KYAT1: variants seen among roughly 807,000 people sequenced by gnomAD.
KYAT1 encodes kynurenine aminotransferase 1, also known as kynurenine--oxoglutarate transaminase 1.
In KYAT1, 47 loss-of-function variants were observed where a neutral mutation model predicts 52.4. The ratio of observed to expected loss-of-function variants is 0.90; its 90% CI spans 0.71 to 1.14. KYAT1 has a LOEUF of 1.14. KYAT1 is among the 50% of genes most tolerant of loss of function. KYAT1 has a pLI of 0.00. For missense variants in KYAT1, 480 were observed against 557.9 expected, an observed-to-expected ratio of 0.86 and a Z score of 1.41; for synonymous variants, 212 against 209.6, an observed-to-expected ratio of 1.01 and a Z score of -0.10.
rs113961669 is a variant in KYAT1, at chr9:128,841,749, G to A, written c.201+905C>T. 6.8e-3 allele frequency among the ~76,000 whole-genome samples: 1,010 copies of A among 149,612 alleles called. 10 individuals are homozygous for A. Among genetic ancestry groups the A allele is most frequent in the African/African-American group, 0.023 (954 of 40,812 alleles). ...TCAGTGGCTCACGCCTGTAATCCCA[G>A]CACTTTTGGAGGCCGAGGTGGCAGG... On this transcript the variant is annotated intron_variant, in intron 3 of 12. Coordinates refer to ENST00000302586, the MANE Select transcript of KYAT1 (RefSeq NM_004059.5).
chr9:128,838,791 G>T (rs751883513), intron 3 of KYAT1, among the ~76,000 whole-genome samples: 13 of 152,286 alleles, frequency 8.5e-5, no homozygotes, highest in Non-Finnish European at 1.3e-4. Flanking sequence ...CGGGGATTTA[G>T]CAGAGAACCA....
intron 1 of KYAT1, among the ~76,000 whole-genome samples, chr9:128,850,628 A>G (rs1833832776): frequency 6.6e-6 from 1 of 152,122 alleles, no homozygotes; most frequent in Non-Finnish European, 1.5e-5. Context: ...GCCTCGTGGG[A>G]TGAGAAAGAC....
intron 1 of KYAT1, among the ~76,000 whole-genome samples, chr9:128,862,139 T>C (rs1189892943): frequency 6.6e-6 from 1 of 152,190 alleles, no homozygotes; most frequent in African/African-American, 2.4e-5. Context: ...TTCTAAGTCA[T>C]GTCTTCATCA....
In KYAT1 at chr9:128,842,916, C is replaced by T. The variant is rs187561599; in HGVS notation, c.54-115G>A. 125 of 1,100,594 alleles carry T rather than the reference C, an allele frequency of 1.1e-4. No individual in the cohort carries two copies. In the African/African-American group the frequency reaches 1.8e-3, roughly 16 times the overall value. The allele number at this position is 1,100,594 out of a possible 1,614,324, so 68.2% of individuals were successfully genotyped here. On this transcript the variant is annotated intron_variant, in intron 2 of 12. Transcript: ENST00000302586. ...GTGTGGTGGCTCACGCCTGTAATCC[C>T]AGCACTTTGGGAGGCCGAGGTGGGC... is the stretch of plus-strand genomic sequence containing the variant.
At position 128,843,660 on chromosome 9, in the gene KYAT1, GCGT is replaced by G. The variant is rs1465434498; in HGVS notation, c.54-862_54-860del. On this transcript the variant is annotated intron_variant, in intron 2 of 12. Transcript: ENST00000302586. ...GCCTCTCAAAGTGCTAGCAGTACAG[GCGT>G]GAGCCACCACTACCGGCCAAGAAAT... is the stretch of plus-strand genomic sequence containing the variant. Among the ~76,000 whole-genome samples, 4 of 152,282 alleles carry G rather than the reference GCGT, an allele frequency of 2.6e-5. No individual in the cohort carries two copies. In the East Asian group the frequency reaches 7.7e-4, roughly 29 times the overall value.
chr9:128,850,598 A>G (rs1833827854), intron 1 of KYAT1, among the ~76,000 whole-genome samples: 1 of 152,176 alleles, frequency 6.6e-6, no homozygotes, highest in Admixed American at 6.5e-5. Context: ...GTTTCTCCCC[A>G]TGTGATAGTC....
chr9:128,837,613 CA>C, intron 6 of KYAT1, 71 bp downstream of exon 6: 1 of 1,565,052 alleles, frequency 6.4e-7, no homozygotes, highest in East Asian at 2.3e-5. Flanking sequence ...GGCCCCACAG[CA>C]GCAACTCAGT....
At position 128,835,467 on chromosome 9, in the gene KYAT1, C is replaced by G. The variant is rs1471938045; in HGVS notation, c.1042+14G>C. On this transcript the variant is annotated intron_variant, in intron 10 of 12. Transcript: ENST00000302586. ...AGCCCCTGCGCCCTGCCCAGACCGG[C>G]AAGTCTCACTCACTGAAGTCTGAGA... The G allele has an allele frequency of 6.2e-7, 1 of 1,613,870 alleles. No homozygotes were observed. The highest frequency in any genetic ancestry group is 1.1e-5 in the South Asian group (1 of 91,080).
intron 1 of KYAT1, among the ~76,000 whole-genome samples, chr9:128,846,273 T>C (rs1336471801): frequency 2.0e-5 from 3 of 151,934 alleles, no homozygotes; most frequent in Non-Finnish European, 4.4e-5. Context: ...CTACTAAAAA[T>C]ACAAAAATTA....
intron 3 of KYAT1, among the ~76,000 whole-genome samples, chr9:128,841,093 C>T (rs574641515): frequency 5.9e-5 from 9 of 152,188 alleles, no homozygotes; most frequent in Non-Finnish European, 1.2e-4. Context: ...CGAGTGCGGT[C>T]GGGTGCGGTG....
chr9:128,861,845 C>T (rs1429725164), intron 1 of KYAT1, among the ~76,000 whole-genome samples: 1 of 152,214 alleles, frequency 6.6e-6, no homozygotes, highest in African/African-American at 2.4e-5. Context: ...TGAAGACCAA[C>T]TATCTGCTGG....
At position 128,834,219 on chromosome 9, in the gene KYAT1, T is replaced by C. The variant is rs891106076; in HGVS notation, c.1123-393A>G. On this transcript the variant is annotated intron_variant, in intron 11 of 12. Transcript: ENST00000302586. ...TTGCAGTGAGCCAGATTGCGCCACT[T>C]CACCGCAGCCTGGGCGAAAGAGAGA... Among the ~76,000 whole-genome samples, 3 of 152,062 alleles carry C rather than the reference T, an allele frequency of 2.0e-5. No homozygotes were observed. The East Asian group carries it at 5.8e-4, about 29-fold the overall frequency.
intron 1 of KYAT1, among the ~76,000 whole-genome samples, chr9:128,854,938 G>A (rs1834416331): frequency 1.3e-5 from 2 of 152,170 alleles, no homozygotes; most frequent in South Asian, 2.1e-4. Flanking sequence ...GTTGGTAGAA[G>A]TATCTACTGT....
At chr9:128,857,176 T>C (rs760960651) in intron 1 of KYAT1, among the ~76,000 whole-genome samples, 1 of 152,228 alleles carries the variant, frequency 6.6e-6, no homozygotes, top group Non-Finnish European at 1.5e-5. Context: ...AACTTAATTA[T>C]GACATAGATT....
At chr9:128,840,681 A>G (rs1369038820) in intron 3 of KYAT1, 1 of 437,010 alleles carries the variant, frequency 2.3e-6, no homozygotes, top group Admixed American at 3.1e-5. Flanking sequence ...GCCTATTGGC[A>G]GGGATGTAAA....
At chr9:128,864,239 G>A (rs1304253137) in intron 1 of KYAT1, among the ~76,000 whole-genome samples, 2 of 151,854 alleles carry the variant, frequency 1.3e-5, no homozygotes, top group Non-Finnish European at 2.9e-5. Flanking sequence ...GGTGGCGGGT[G>A]CCTATAGTCC....
At chr9:128,835,890 G>T (rs1381650536) in intron 8 of KYAT1, 22 bp from the exon 9 acceptor site, 9 of 1,613,242 alleles carry the variant, frequency 5.6e-6, no homozygotes, top group African/African-American at 2.7e-5. Flanking sequence ...GCGCAGGTAG[G>T]GGGAGAGGTC....
intron 1 of KYAT1, among the ~76,000 whole-genome samples, chr9:128,877,982 G>C (rs1838274557): frequency 6.6e-6 from 1 of 152,124 alleles, no homozygotes; most frequent in Non-Finnish European, 1.5e-5. Flanking sequence ...AATAGTCCCA[G>C]CTCCACCATA....
rs36179747 is a variant in KYAT1, at chr9:128,875,623, C to CA, written c.-7+6273dup. ...CAGGTGACAGAGCAAGACTCCGCTT[C>CA]AAAAAAAAAAAAAAATGTGTGGGAT... is the stretch of plus-strand genomic sequence containing the variant. On this transcript the variant is annotated intron_variant, in intron 1 of 12. Transcript: ENST00000302586. 3.3e-3 allele frequency among the ~76,000 whole-genome samples: 423 copies of CA among 128,302 alleles called. 1 individual carries two copies. The highest frequency in any genetic ancestry group is 0.024 in the Middle Eastern group (6 of 246). The allele number at this position is 128,302 out of a possible 152,430, so 84.2% of individuals were successfully genotyped here. A position where few individuals can be genotyped will look rare whatever the true frequency, so the allele number is the denominator to read the frequency against.
Sources: gnomAD v4.1 joint callset for allele counts (sites outside exome capture counted in the v4.1 genomes callset) on GRCh38, gnomAD v4.1.1 for gene constraint, MANE v1.5 for transcripts, NCBI Gene and HGNC (gene_info 2026-07-23, HGNC 2026-07-21) for gene names.